Variants in XYLT1 observed in about 807,000 individuals in gnomAD.
The protein encoded by XYLT1 is xylosyltransferase 1.
A neutral mutation model predicts 91.3 loss-of-function variants in XYLT1; 36 were observed. The observed-to-expected ratio is 0.39, with a 90% CI of 0.30 to 0.52. XYLT1 has a LOEUF of 0.52. Ranked by LOEUF, XYLT1 falls within the 20% of genes least tolerant of loss-of-function variation. The pLI, the probability that XYLT1 is intolerant of heterozygous loss-of-function variation, is 0.68. For synonymous variants in XYLT1, 588 were observed against 532.0 expected (o/e 1.11, Z -1.45); for missense variants, 1,242 against 1,284.5 (o/e 0.97, Z 0.51).
chr16:17,154,435 C>G (rs1159101346), intron 6 of XYLT1, among the ~76,000 whole-genome samples: 1 of 152,168 alleles, frequency 6.6e-6, no homozygotes, highest in Non-Finnish European at 1.5e-5. Flanking sequence ...CTGGAAGAGG[C>G]CTGTCCCCAC....
Position 17,470,619 on chromosome 16 carries a change from C to T in XYLT1, c.178G>A (p.Ala60Thr). The change falls in exon 1 of 12, where the codon GCC (alanine) becomes ACC (threonine). Residue 60 changes from alanine to threonine, a missense_variant. Coordinates refer to ENST00000261381, the MANE Select transcript of XYLT1 (RefSeq NM_022166.4). ...CGGCGCTCCCGGCGCGGGGCCGGGG[C>T]CGGGGGCGGCTGCTCCCCGCCGCCG... ...AVGGGEQPPP[A>T]PAPRRERRDL... The T allele has an allele frequency of 8.9e-7, 1 of 1,122,704 alleles. No homozygotes were observed. Among genetic ancestry groups the T allele is most frequent in the Non-Finnish European group, 1.1e-6 (1 of 921,834 alleles). The allele number at this position is 1,122,704 out of a possible 1,614,324, so 69.5% of individuals were successfully genotyped here.
chr16:17,409,268 T>C (rs1182772913), intron 1 of XYLT1, among the ~76,000 whole-genome samples: 2 of 152,176 alleles, frequency 1.3e-5, no homozygotes, highest in East Asian at 1.9e-4. Flanking sequence ...AGGCCGGCAG[T>C]TTGAAGGCAA....
At chr16:17,209,049 G>A (rs1473318263) in intron 3 of XYLT1, among the ~76,000 whole-genome samples, 3 of 152,176 alleles carry the variant, frequency 2.0e-5, no homozygotes, top group Non-Finnish European at 4.4e-5. Flanking sequence ...TAAGTTTACA[G>A]TTTAGTATAA....
intron 2 of XYLT1, among the ~76,000 whole-genome samples, chr16:17,321,412 C>T (rs1480762421): frequency 1.7e-5 from 2 of 116,464 alleles, no homozygotes; most frequent in African/African-American, 6.6e-5. Context: ...GGCTGGAGTG[C>T]AGTGGCATGA....
intron 5 of XYLT1, among the ~76,000 whole-genome samples, chr16:17,163,078 C>G (rs1014083306): frequency 6.6e-6 from 1 of 152,202 alleles, no homozygotes; most frequent in South Asian, 2.1e-4. Flanking sequence ...GCTTAAGACA[C>G]CTTGAACTGT....
At chr16:17,433,505 C>T (rs7196967) in intron 1 of XYLT1, among the ~76,000 whole-genome samples, 51,328 of 152,134 alleles carry the variant, frequency 0.34, 9,796 homozygotes, top group African/African-American at 0.5. Flanking sequence ...CATCTTCCCC[C>T]AGCCCACTTC....
At chr16:17,454,699 G>A (rs1183791775) in intron 1 of XYLT1, among the ~76,000 whole-genome samples, 1 of 151,982 alleles carries the variant, frequency 6.6e-6, no homozygotes, top group Non-Finnish European at 1.5e-5. Context: ...ACCACACCCA[G>A]CTATTTTTTT....
chr16:17,289,908 G>A (rs1247778756), intron 2 of XYLT1, among the ~76,000 whole-genome samples: 2 of 152,208 alleles, frequency 1.3e-5, no homozygotes, highest in Non-Finnish European at 1.5e-5. Context: ...GGAAGATGAC[G>A]ATGACTTTCT....
Position 17,258,005 on chromosome 16 carries a change from C to T in XYLT1, c.913+983G>A, listed in dbSNP as rs148133389. ...ACTGGACTCCCCATCTTCAGATGGC[C>T]CCTCCACTCTGCCTGTGAATTTCTG... On this transcript the variant is annotated intron_variant, in intron 3 of 11. Transcript: ENST00000261381. Among the ~76,000 whole-genome samples the T allele has an allele frequency of 8.2e-4, 125 of 152,250 alleles. 4 individuals are homozygous for T. The East Asian group carries it at 0.022, about 27-fold the overall frequency.
intron 2 of XYLT1, among the ~76,000 whole-genome samples, chr16:17,292,825 C>T (rs1412958164): frequency 5.3e-5 from 8 of 152,218 alleles, no homozygotes; most frequent in Non-Finnish European, 1.5e-5. Flanking sequence ...GAGGCCACTT[C>T]CTCACATCTC....
chr16:17,235,307 A>C (rs1292036268), intron 3 of XYLT1, among the ~76,000 whole-genome samples: 3 of 79,976 alleles, frequency 3.8e-5, no homozygotes, highest in South Asian at 4.9e-4. Context: ...CATCATTATC[A>C]TCTTTTTTTT....
At chr16:17,291,662 T>G (rs927531851) in intron 2 of XYLT1, among the ~76,000 whole-genome samples, 1 of 152,132 alleles carries the variant, frequency 6.6e-6, no homozygotes, top group Non-Finnish European at 1.5e-5. Flanking sequence ...TAGAATGTGC[T>G]GAGAAGGGGT....
chr16:17,470,913 C>G lies in XYLT1; in HGVS notation c.-117G>C, dbSNP rs1567216165. ...CCGCTCGGGCTCCCGCTCGGGCCGC[C>G]GCCGCCGCCCCCCTCCCCACACCCC... On this transcript the variant is annotated 5_prime_UTR_variant, in exon 1 of 12. Coordinates refer to ENST00000261381, the MANE Select transcript of XYLT1 (RefSeq NM_022166.4). The G allele has an allele frequency of 6.9e-6, 1 of 145,508 alleles. No homozygotes were observed. Among genetic ancestry groups the G allele is most frequent in the Non-Finnish European group, 1.5e-5 (1 of 65,436 alleles). The allele number at this position is 145,508 out of a possible 1,614,324, so 9.0% of individuals were successfully genotyped here. A position where few individuals can be genotyped will look rare whatever the true frequency, so the allele number is the denominator to read the frequency against.
intron 1 of XYLT1, among the ~76,000 whole-genome samples, chr16:17,469,165 A>C (rs2036942659): frequency 6.6e-6 from 1 of 152,272 alleles, no homozygotes; most frequent in South Asian, 2.1e-4. Flanking sequence ...AGGGTCGCAC[A>C]GACTCCGAAG....
intron 3 of XYLT1, among the ~76,000 whole-genome samples, chr16:17,252,105 G>A (rs79148614): frequency 0.028 from 4,235 of 151,044 alleles, 176 homozygotes; most frequent in African/African-American, 0.096. Context: ...CGACGATTAG[G>A]TTGGTGCAAA....
At chr16:17,415,367 A>G (rs941905369) in intron 1 of XYLT1, among the ~76,000 whole-genome samples, 1 of 152,210 alleles carries the variant, frequency 6.6e-6, no homozygotes, top group Non-Finnish European at 1.5e-5. Context: ...TACAGGCAGC[A>G]GGAAAGAGGT....
chr16:17,437,275 C>T (rs914219609), intron 1 of XYLT1, among the ~76,000 whole-genome samples: 6 of 152,174 alleles, frequency 3.9e-5, no homozygotes, highest in African/African-American at 1.4e-4. Flanking sequence ...GATCCGGAAC[C>T]ATCTGGGCCC....
At chr16:17,456,190 A>G (rs1460240061) in intron 1 of XYLT1, among the ~76,000 whole-genome samples, 1 of 151,538 alleles carries the variant, frequency 6.6e-6, no homozygotes, top group African/African-American at 2.4e-5. Context: ...CCACGTCCAC[A>G]GTCAGTTTCA....
intron 1 of XYLT1, among the ~76,000 whole-genome samples, chr16:17,370,114 T>C (rs1419382016): frequency 1.3e-5 from 2 of 152,164 alleles, no homozygotes; most frequent in Non-Finnish European, 2.9e-5. Flanking sequence ...ACCAATTTTA[T>C]ACAATGAGCT....
Sources: gnomAD v4.1 joint callset for allele counts (sites outside exome capture counted in the v4.1 genomes callset) on GRCh38, gnomAD v4.1.1 for gene constraint, MANE v1.5 for transcripts, NCBI Gene and HGNC (gene_info 2026-07-23, HGNC 2026-07-21) for gene names.